Variants in ZNF660 observed in about 807,000 individuals in gnomAD.
The protein encoded by ZNF660 is zinc finger protein 660.
Under a neutral mutation model 23.2 loss-of-function variants are expected in ZNF660, and 24 were observed. The ratio of observed to expected loss-of-function variants is 1.04; its 90% CI spans 0.75 to 1.46. The LOEUF is 1.46. Among genes scored for constraint, ZNF660 ranks in the 40% most tolerant of loss-of-function variants. The pLI, the probability that ZNF660 is intolerant of heterozygous loss-of-function variation, is 0.00. For synonymous variants in ZNF660, 117 were observed against 131.4 expected, an observed-to-expected ratio of 0.89 and a Z score of 0.75; for missense variants, 373 against 396.8, an observed-to-expected ratio of 0.94 and a Z score of 0.51.
At chr3:44,590,358 C>T (rs1700375036) in intron 2 of ZNF660, among the ~76,000 whole-genome samples, 1 of 152,064 alleles carries the variant, frequency 6.6e-6, no homozygotes, top group South Asian at 2.1e-4. Context: ...TGTAGCTGGC[C>T]ATCTTCTTAC....
In ZNF660 at chr3:44,594,775, G is replaced by A; in HGVS notation, c.582G>A (p.Glu194=). ...GAAAAAAAGTTTACAAATGTAAGGA[G>A]TGTGGGAAAACATGTGGTTCTAATA... is the stretch of plus-strand genomic sequence containing the variant. ...HRGKKVYKCK[E]CGKTCGSNTK... is the part of the protein sequence containing the mutation. The change falls in exon 3 of 3, where the codon GAG becomes GAA. Residue 194 remains glutamate (E), a synonymous_variant. Coordinates refer to ENST00000322734, the MANE Select transcript of ZNF660 (RefSeq NM_173658.4). 1 of 1,614,122 alleles carries A rather than the reference G, an allele frequency of 6.2e-7. No homozygotes were observed. The highest frequency in any genetic ancestry group is 8.5e-7 in the Non-Finnish European group (1 of 1,180,014).
In ZNF660 at chr3:44,594,449, G is replaced by A. The variant is rs1700539857; in HGVS notation, c.256G>A (p.Ala86Thr). The change falls in exon 3 of 3, where the codon GCT becomes ACT. Residue 86 changes from alanine to threonine, a missense_variant. By Grantham distance (58) the Ala-to-Thr change is moderately conservative. Coordinates refer to ENST00000322734, the MANE Select transcript of ZNF660 (RefSeq NM_173658.4). ...CTATAAGTGTAAGGAGTGTGGAAAA[G>A]CTTTCAGTCATAGCTCTAACCTTGT... ...KPYKCKECGK[A>T]FSHSSNLVVH... is the part of the protein sequence containing the mutation. 3.7e-6 allele frequency: 6 copies of A among 1,613,862 alleles called. No homozygotes were observed. The East Asian group carries it at 1.3e-4, about 36-fold the overall frequency.
chr3:44,592,481 T>C (rs1700456945), intron 2 of ZNF660, among the ~76,000 whole-genome samples: 1 of 152,244 alleles, frequency 6.6e-6, no homozygotes, highest in Non-Finnish European at 1.5e-5. Context: ...TACCTGTATG[T>C]CCAGAGTTTC....
intron 2 of ZNF660, among the ~76,000 whole-genome samples, chr3:44,588,503 T>A (rs557012825): frequency 6.6e-6 from 1 of 151,994 alleles, no homozygotes; most frequent in Non-Finnish European, 1.5e-5. Flanking sequence ...AGCTTATCTG[T>A]TTTTTTATTT....
intron 1 of ZNF660, among the ~76,000 whole-genome samples, chr3:44,585,397 G>A (rs1347865877): frequency 6.6e-6 from 1 of 152,214 alleles, no homozygotes; most frequent in East Asian, 1.9e-4. Flanking sequence ...GGGGCCCAGA[G>A]AAGAGGACGG....
At chr3:44,589,334 TATG>T (rs748162219) in intron 2 of ZNF660, among the ~76,000 whole-genome samples, 76 of 152,366 alleles carry the variant, frequency 5.0e-4, no homozygotes, top group Non-Finnish European at 5.6e-4. Flanking sequence ...CATTATTAAA[TATG>T]ATGCTGGGAT....
intron 2 of ZNF660, among the ~76,000 whole-genome samples, chr3:44,592,191 G>A (rs771260069): frequency 2.0e-5 from 3 of 152,130 alleles, no homozygotes; most frequent in Non-Finnish European, 4.4e-5. Context: ...TAATAAGTAT[G>A]TGAAGTAATG....
At chr3:44,592,084 G>A (rs1700448006) in intron 2 of ZNF660, among the ~76,000 whole-genome samples, 1 of 152,118 alleles carries the variant, frequency 6.6e-6, no homozygotes, top group Non-Finnish European at 1.5e-5. Context: ...ATAATTTCAG[G>A]AAATCTATTG....
chr3:44,588,429 A>G (rs1700300901), intron 2 of ZNF660, among the ~76,000 whole-genome samples: 1 of 152,206 alleles, frequency 6.6e-6, no homozygotes, highest in African/African-American at 2.4e-5. Flanking sequence ...TTACATTTCA[A>G]TGTGAGATTT....
intron 2 of ZNF660, chr3:44,587,208 A>C (rs892491308): frequency 1.3e-5 from 2 of 152,200 alleles, no homozygotes; most frequent in African/African-American, 4.8e-5. Flanking sequence ...AGGGACTTGA[A>C]CAGGCAGATG....
chr3:44,594,282 A>C lies in ZNF660; in HGVS notation c.89A>C (p.Asp30Ala). The C allele has an allele frequency of 1.9e-6, 3 of 1,614,074 alleles. No individual in the cohort carries two copies. The highest frequency in any genetic ancestry group is 1.3e-5 in the African/African-American group (1 of 75,060). ...GGGAGTGACCAAGAATCTGAAAAAG[A>C]CAATAGTCAGTGCTGTGACCCTGCA... ...TEGSDQESEK[D>A]NSQCCDPATN... Residue 30 changes from aspartate to alanine, a missense_variant, in exon 3 of 3, where the codon GAC becomes GCC. By Grantham distance (126) the Asp-to-Ala change is moderately radical. Transcript: ENST00000322734.
In ZNF660 at chr3:44,599,150, AT is replaced by A. The variant is rs1700716401; in HGVS notation, c.*3963del. 1 of 152,230 alleles carries A rather than the reference AT, an allele frequency of 6.6e-6. No individual in the cohort carries two copies. Among genetic ancestry groups the A allele is most frequent in the African/African-American group, 2.4e-5 (1 of 41,452 alleles). The allele number at this position is 152,230 out of a possible 1,614,324, so 9.4% of individuals were successfully genotyped here. The stretch of plus-strand genomic sequence containing the variant: ...CACTTACAGTTTTAGTACCCTGAAT[AT>A]TCCTGAGGAATATAAAGAGGCAATA... On this transcript the variant is annotated 3_prime_UTR_variant, in exon 3 of 3. Transcript: ENST00000322734.
intron 2 of ZNF660, among the ~76,000 whole-genome samples, chr3:44,592,280 CTTT>C (rs770157142): frequency 1.3e-5 from 2 of 152,136 alleles, no homozygotes; most frequent in South Asian, 2.1e-4. Flanking sequence ...AATATATATA[CTTT>C]TTTATCAACT....
chr3:44,586,979 T>A (rs1348110702), intron 2 of ZNF660, among the ~76,000 whole-genome samples: 1 of 152,226 alleles, frequency 6.6e-6, no homozygotes, highest in Non-Finnish European at 1.5e-5. Flanking sequence ...GTTATGGCAT[T>A]TTTTGGAATA....
intron 2 of ZNF660, among the ~76,000 whole-genome samples, chr3:44,588,376 C>A (rs551866966): frequency 4.4e-4 from 67 of 152,250 alleles, no homozygotes; most frequent in African/African-American, 1.5e-3. Flanking sequence ...TCTACCCCCA[C>A]GATCCAGTCA....
chr3:44,588,236 A>G (rs1387218097), intron 2 of ZNF660, among the ~76,000 whole-genome samples: 1 of 152,178 alleles, frequency 6.6e-6, no homozygotes, highest in Non-Finnish European at 1.5e-5. Context: ...AGGAGGAGGC[A>G]GAGCATGGTG....
intron 2 of ZNF660, among the ~76,000 whole-genome samples, chr3:44,591,870 G>A (rs1353023833): frequency 6.6e-6 from 1 of 152,290 alleles, no homozygotes; most frequent in East Asian, 1.9e-4. Context: ...GGTGGCAGAC[G>A]CCTGTAATCC....
chr3:44,595,065 T>C lies in ZNF660; in HGVS notation c.872T>C (p.Leu291Pro). ...TTCAGGCAGACTTCTCAAGTTATTC[T>C]ACACTTGAGAACCCACACTAAGGAG... is the stretch of plus-strand genomic sequence containing the variant. The part of the protein sequence containing the change: ...KTFRQTSQVI[L>P]HLRTHTKEKP... The change falls in exon 3 of 3, where the codon CTA becomes CCA. Residue 291 changes from leucine to proline, a missense_variant. Coordinates refer to ENST00000322734, the MANE Select transcript of ZNF660 (RefSeq NM_173658.4). 3.1e-6 allele frequency: 5 copies of C among 1,613,288 alleles called. No homozygotes were observed. The highest frequency in any genetic ancestry group is 4.2e-6 in the Non-Finnish European group (5 of 1,179,708).
rs891796340 is a variant in ZNF660, at chr3:44,599,568, T to C, written c.*4379T>C. On this transcript the variant is annotated 3_prime_UTR_variant, in exon 3 of 3. Coordinates refer to ENST00000322734, the MANE Select transcript of ZNF660 (RefSeq NM_173658.4). ...TAATATAAAATTTAAAAGATGCCCA[T>C]ATTGTCAGTTGTTTTTAGTCGCCAG... is the stretch of plus-strand genomic sequence containing the variant. The C allele has an allele frequency of 3.9e-5, 6 of 152,216 alleles. No homozygotes were observed. Among genetic ancestry groups the C allele is most frequent in the Non-Finnish European group, 8.8e-5 (6 of 68,040 alleles). 9.4% of individuals were successfully genotyped at this position (152,216 alleles called of 1,614,324 possible).
Sources: allele counts gnomAD v4.1 joint callset (sites outside exome capture counted in the v4.1 genomes callset), GRCh38; gene constraint gnomAD v4.1.1; transcripts MANE v1.5; gene names NCBI Gene and HGNC (gene_info 2026-07-23, HGNC 2026-07-21).